Variants in PTPRN2 observed in about 807,000 individuals in gnomAD.
PTPRN2 encodes the protein receptor-type tyrosine-protein phosphatase N2.
In PTPRN2, 74 loss-of-function variants were observed where a neutral mutation model predicts 118.8. The ratio of observed to expected loss-of-function variants is 0.62; its 90% CI spans 0.52 to 0.76. The LOEUF is 0.76. PTPRN2 is among the 30% of genes least tolerant of loss of function. The pLI is 0.00. For synonymous variants in PTPRN2, 641 were observed against 608.0 expected (o/e 1.05, Z -0.80); for missense variants, 1,481 against 1,394.4 (o/e 1.06, Z -0.99).
chr7:158,101,291 A>G (rs944064092), intron 10 of PTPRN2, among the ~76,000 whole-genome samples: 1 of 152,234 alleles, frequency 6.6e-6, no homozygotes, highest in African/African-American at 2.4e-5. Context: ...CTAGTCAAAA[A>G]TGGTGCTGGG....
At position 158,093,877 on chromosome 7, in the gene PTPRN2, T is replaced by C. The variant is rs12537510; in HGVS notation, c.1644-12500A>G. On this transcript the variant is annotated intron_variant, in intron 10 of 22. Transcript: ENST00000389418. This position sits in a 1 kb window ranked among gnomAD's most constrained non-coding sequence, Gnocchi z 4.4. ...GAGGAAACAAAGACACACACAGTTA[T>C]TGCAAGATAATTTAACATCATGCAA... is the stretch of plus-strand genomic sequence containing the variant. 7.6e-3 allele frequency among the ~76,000 whole-genome samples: 1,158 copies of C among 152,342 alleles called. 35 individuals are homozygous for C. The East Asian group carries it at 0.097, about 13-fold the overall frequency.
chr7:158,126,738 C>G (rs561318639), intron 9 of PTPRN2, among the ~76,000 whole-genome samples: 23 of 152,192 alleles, frequency 1.5e-4, no homozygotes, highest in Non-Finnish European at 2.6e-4. Flanking sequence ...CCTGAGCACT[C>G]GGTGGGTTTC....
At chr7:158,067,242 G>A (rs1049932908) in intron 11 of PTPRN2, among the ~76,000 whole-genome samples, 1 of 152,214 alleles carries the variant, frequency 6.6e-6, no homozygotes, top group Non-Finnish European at 1.5e-5. Context: ...CTGCACCCAG[G>A]GTGTCTCCTG....
At chr7:158,080,171 C>T (rs1171326633) in intron 11 of PTPRN2, among the ~76,000 whole-genome samples, 1 of 152,016 alleles carries the variant, frequency 6.6e-6, no homozygotes, top group Admixed American at 6.6e-5. Flanking sequence ...ACCTTGATTA[C>T]TCTCACTGGA....
At chr7:158,355,933 A>G (rs761076207) in intron 2 of PTPRN2, among the ~76,000 whole-genome samples, 3 of 152,162 alleles carry the variant, frequency 2.0e-5, no homozygotes, top group Non-Finnish European at 4.4e-5. Flanking sequence ...TCTGCCCTCG[A>G]AACAGAATGT....
intron 8 of PTPRN2, among the ~76,000 whole-genome samples, chr7:158,134,539 G>C (rs1473944086): frequency 6.6e-6 from 1 of 152,172 alleles, no homozygotes. Context: ...AACACACTGA[G>C]TCCTCACGTA....
chr7:158,248,745 C>A (rs188080516), intron 3 of PTPRN2, among the ~76,000 whole-genome samples: 1 of 66,320 alleles, frequency 1.5e-5, no homozygotes, highest in Non-Finnish European at 2.9e-5. Context: ...CCCCTACACA[C>A]GCACACACAT....
intron 12 of PTPRN2, chr7:157,862,886 T>G (rs966977227): frequency 6.7e-6 from 1 of 148,208 alleles, no homozygotes; most frequent in Non-Finnish European, 1.5e-5. Context: ...TCACAGCAGT[T>G]TCCTGAAAGA....
chr7:157,941,913 T>C (rs1800153197), intron 11 of PTPRN2, among the ~76,000 whole-genome samples: 1 of 152,138 alleles, frequency 6.6e-6, no homozygotes, highest in Non-Finnish European at 1.5e-5. Context: ...TGCAGGACTT[T>C]TGCTAAGTGG....
At chr7:158,540,858 C>T (rs770938884) in intron 1 of PTPRN2, among the ~76,000 whole-genome samples, 2 of 152,208 alleles carry the variant, frequency 1.3e-5, no homozygotes, top group Non-Finnish European at 2.9e-5. Context: ...ATTAGGTCAC[C>T]AAGGCCAATG....
chr7:158,385,419 C>T (rs1200420692), intron 2 of PTPRN2, among the ~76,000 whole-genome samples: 1 of 152,140 alleles, frequency 6.6e-6, no homozygotes, highest in East Asian at 1.9e-4. Flanking sequence ...TAGAATTGGC[C>T]TCTACTTTAA....
At chr7:158,217,832 GAGA>G (rs1373245133) in intron 3 of PTPRN2, among the ~76,000 whole-genome samples, 3 of 152,160 alleles carry the variant, frequency 2.0e-5, no homozygotes, top group Admixed American at 2.0e-4. Flanking sequence ...ACCAAGCTGA[GAGA>G]AGAATTTTAG....
At chr7:158,468,041 ACT>A (rs1270097666) in intron 2 of PTPRN2, among the ~76,000 whole-genome samples, 4 of 152,126 alleles carry the variant, frequency 2.6e-5, no homozygotes, top group Non-Finnish European at 5.9e-5. Context: ...GTAAATTATA[ACT>A]CACACTGCAT....
intron 11 of PTPRN2, among the ~76,000 whole-genome samples, chr7:158,068,529 C>T (rs988763737): frequency 2.6e-5 from 4 of 152,226 alleles, no homozygotes; most frequent in African/African-American, 9.6e-5. Flanking sequence ...ATTGGTACGG[C>T]TTCACTTTAA....
At position 158,413,473 on chromosome 7, in the gene PTPRN2, C is replaced by G. The variant is rs10249594; in HGVS notation, c.163+76262G>C. 4.6e-3 allele frequency among the ~76,000 whole-genome samples: 697 copies of G among 152,362 alleles called. 4 individuals are homozygous for G. The highest frequency in any genetic ancestry group is 0.016 in the African/African-American group (671 of 41,578). On this transcript the variant is annotated intron_variant, in intron 2 of 22. Coordinates refer to ENST00000389418, the MANE Select transcript of PTPRN2 (RefSeq NM_002847.5). The stretch of plus-strand genomic sequence containing the variant: ...CCCCCAATTGGCCAAGTCCTCTTCT[C>G]AACTAGGAAACTGGCCACTGTCCAC...
At chr7:157,829,889 C>G (rs888061614) in intron 12 of PTPRN2, among the ~76,000 whole-genome samples, 2 of 152,242 alleles carry the variant, frequency 1.3e-5, no homozygotes, top group Non-Finnish European at 2.9e-5. Context: ...CTCCTCTGCC[C>G]CATGGCAGCT....
intron 2 of PTPRN2, among the ~76,000 whole-genome samples, chr7:158,407,870 T>G (rs1813725278): frequency 6.6e-6 from 1 of 152,178 alleles, no homozygotes; most frequent in African/African-American, 2.4e-5. Context: ...GCTGGGAGGT[T>G]TGGAAACAGC....
At chr7:158,497,884 T>G (rs1425370910) in intron 1 of PTPRN2, among the ~76,000 whole-genome samples, 4 of 152,210 alleles carry the variant, frequency 2.6e-5, no homozygotes, top group Non-Finnish European at 5.9e-5. Flanking sequence ...ACTCCTTCCA[T>G]GCTGGGCCTG....
chr7:158,033,457 C>T (rs920420033), intron 11 of PTPRN2, among the ~76,000 whole-genome samples: 2 of 152,132 alleles, frequency 1.3e-5, no homozygotes, highest in African/African-American at 2.4e-5. Flanking sequence ...GTGGGCCCCT[C>T]GGACCACACC....
Sources: gnomAD v4.1 joint callset for allele counts (sites outside exome capture counted in the v4.1 genomes callset) on GRCh38, gnomAD v4.1.1 for gene constraint, Gnocchi (gnomAD v3.1) non-coding constraint, MANE v1.5 for transcripts, NCBI Gene and HGNC (gene_info 2026-07-23, HGNC 2026-07-21) for gene names.